LCORL: variants seen among roughly 807,000 people sequenced by gnomAD.
The protein encoded by LCORL is ligand-dependent nuclear receptor corepressor-like protein.
Under a neutral mutation model 141.8 loss-of-function variants are expected in LCORL, and 41 were observed. The ratio of observed to expected loss-of-function variants is 0.29; its 90% CI spans 0.23 to 0.38. The LOEUF (loss-of-function observed/expected upper bound fraction) is 0.38, where lower values mean the gene tolerates loss of function less well. Among genes scored for constraint, LCORL ranks in the 10% least tolerant of loss-of-function variants. LCORL has a pLI of 1.00. For missense variants in LCORL, 1,759 were observed against 2,035.0 expected (o/e 0.86, Z 2.61); for synonymous variants, 618 against 694.1 (o/e 0.89, Z 1.72).
At chr4:17,885,141 C>T (rs760225375) in intron 6 of LCORL, among the ~76,000 whole-genome samples, 2 of 151,968 alleles carry the variant, frequency 1.3e-5, no homozygotes, top group African/African-American at 2.4e-5. Flanking sequence ...TTAGTACAAA[C>T]GTGACGTTAC....
At chr4:17,905,334 T>C (rs541653998) in intron 5 of LCORL, among the ~76,000 whole-genome samples, 3 of 152,192 alleles carry the variant, frequency 2.0e-5, no homozygotes, top group South Asian at 2.1e-4. Context: ...TAGGACATAA[T>C]TTTTAATTTA....
intron 4 of LCORL, among the ~76,000 whole-genome samples, chr4:17,917,424 C>T (rs566192047): frequency 6.6e-6 from 1 of 152,342 alleles, no homozygotes; most frequent in Admixed American, 6.5e-5. Flanking sequence ...AACTCCCGAC[C>T]TCAGGTGATC....
chr4:18,017,772 T>C (rs1267758038), intron 1 of LCORL, among the ~76,000 whole-genome samples: 2 of 152,082 alleles, frequency 1.3e-5, no homozygotes, highest in Middle Eastern at 3.4e-3. Flanking sequence ...ACAGAAAAAA[T>C]AGATAAACAG....
At chr4:17,900,505 C>T (rs1392016949) in intron 5 of LCORL, among the ~76,000 whole-genome samples, 3 of 152,150 alleles carry the variant, frequency 2.0e-5, no homozygotes, top group African/African-American at 7.2e-5. Flanking sequence ...TCTTCCTCAA[C>T]GATCTTATCT....
chr4:17,932,213 AC>A lies in LCORL; in HGVS notation c.431-22869del, dbSNP rs1254100119. Among the ~76,000 whole-genome samples, 3 of 152,228 alleles carry A rather than the reference AC, an allele frequency of 2.0e-5. No individual in the cohort carries two copies. The South Asian group carries it at 6.2e-4, about 32-fold the overall frequency. On this transcript the variant is annotated intron_variant, in intron 4 of 7. Coordinates refer to ENST00000635767, the Ensembl canonical transcript of LCORL. ...CTCAAACCTGAGTCTTGCTTCATGAACCATTCTGGACATCTGTTTAACAGGG... is the reference window on the plus strand; with the variant it reads ...CTCAAACCTGAGTCTTGCTTCATGAACATTCTGGACATCTGTTTAACAGGG...
At position 17,892,985 on chromosome 4, in the gene LCORL, T is replaced by C. The variant is rs1051639384; in HGVS notation, c.683-6824A>G. On this transcript the variant is annotated intron_variant, in intron 5 of 7. Coordinates refer to ENST00000635767, the Ensembl canonical transcript of LCORL. ...GGAAGACTTTAGATTTTTTTAACCA[T>C]GCATTTGAGACTCCTTGTTATGCTC... Among the ~76,000 whole-genome samples the C allele has an allele frequency of 1.1e-4, 16 of 152,342 alleles. 1 individual carries two copies. Among genetic ancestry groups the C allele is most frequent in the Admixed American group, 4.6e-4 (7 of 15,294 alleles).
At chr4:17,849,111 C>A (rs1723309762) in intron 7 of LCORL, among the ~76,000 whole-genome samples, 1 of 152,246 alleles carries the variant, frequency 6.6e-6, no homozygotes, top group Non-Finnish European at 1.5e-5. Flanking sequence ...AGGGCACAGA[C>A]AAACAAAAAG....
intron 4 of LCORL, among the ~76,000 whole-genome samples, chr4:17,925,569 AATT>A (rs1333998229): frequency 2.6e-5 from 4 of 152,066 alleles, no homozygotes; most frequent in African/African-American, 9.7e-5. Context: ...TTTCCTCCTC[AATT>A]TGTTAAGAAC....
At chr4:17,854,526 A>G (rs964039715) in intron 7 of LCORL, among the ~76,000 whole-genome samples, 8 of 152,174 alleles carry the variant, frequency 5.3e-5, no homozygotes, top group Admixed American at 5.2e-4. Context: ...GTGTAGACAG[A>G]TAATACAATC....
At chr4:17,878,799 GT>G (rs1219469472) in intron 6 of LCORL, among the ~76,000 whole-genome samples, 1 of 151,222 alleles carries the variant, frequency 6.6e-6, no homozygotes, top group Non-Finnish European at 1.5e-5. Context: ...TTTAATTGAT[GT>G]TAAATACTAA....
chr4:17,901,123 T>C (rs1730799134), intron 5 of LCORL, among the ~76,000 whole-genome samples: 1 of 152,034 alleles, frequency 6.6e-6, no homozygotes, highest in Non-Finnish European at 1.5e-5. Flanking sequence ...TCTAGTTTCA[T>C]GTTTAATCTG....
At chr4:18,019,219 A>C (rs1265665930) in intron 1 of LCORL, among the ~76,000 whole-genome samples, 1 of 152,200 alleles carries the variant, frequency 6.6e-6, no homozygotes. Context: ...GACGCCTGTA[A>C]TCCCAACTAT....
intron 1 of LCORL, among the ~76,000 whole-genome samples, chr4:17,990,275 T>A (rs991203824): frequency 6.6e-6 from 1 of 151,874 alleles, no homozygotes; most frequent in African/African-American, 2.4e-5. Context: ...ATTTTTTGTA[T>A]TTTTAGTACA....
chr4:17,888,179 T>G (rs1043369046), intron 5 of LCORL, among the ~76,000 whole-genome samples: 1 of 152,126 alleles, frequency 6.6e-6, no homozygotes, highest in African/African-American at 2.4e-5. Flanking sequence ...CAATAAGTAT[T>G]CAATAAATGT....
At position 17,884,506 on chromosome 4, in the gene LCORL, T is replaced by C; in HGVS notation, c.776+1562A>G. ...CTACTTTTTGCAGCACTGCACAAGT[T>C]TCTTTACTGTCCTTATATGAATAAC... On this transcript the variant is annotated intron_variant, in intron 6 of 7. Transcript: ENST00000635767. The surrounding 1 kb of genome is among the most constrained non-coding windows in gnomAD (Gnocchi z 4.4). 1 of 1,544,522 alleles carries C rather than the reference T, an allele frequency of 6.5e-7. No homozygotes were observed. Among genetic ancestry groups the C allele is most frequent in the South Asian group, 1.2e-5 (1 of 83,214 alleles).
At chr4:17,906,960 G>A (rs1177966686) in intron 5 of LCORL, among the ~76,000 whole-genome samples, 2 of 152,206 alleles carry the variant, frequency 1.3e-5, no homozygotes, top group East Asian at 3.8e-4. Context: ...GGGATTACAG[G>A]TGTGAGCCAC....
At chr4:17,860,861 CAAAT>C (rs1724922099) in intron 7 of LCORL, among the ~76,000 whole-genome samples, 1 of 152,186 alleles carries the variant, frequency 6.6e-6, no homozygotes, top group Non-Finnish European at 1.5e-5. Context: ...GCAGGGCAGT[CAAAT>C]AAAGCTCTAA....
At chr4:18,014,647 C>T (rs1724347005) in intron 1 of LCORL, among the ~76,000 whole-genome samples, 1 of 152,214 alleles carries the variant, frequency 6.6e-6, no homozygotes, top group Non-Finnish European at 1.5e-5. Context: ...GAGACACAGA[C>T]AATTCCTCAT....
chr4:17,960,376 T>C (rs930738079), intron 4 of LCORL: 10 of 154,306 alleles, frequency 6.5e-5, no homozygotes, highest in African/African-American at 2.4e-4. Flanking sequence ...GCTAACTCCA[T>C]AATATCAAAA....
Sources: allele counts gnomAD v4.1 joint callset (sites outside exome capture counted in the v4.1 genomes callset), GRCh38; gene constraint gnomAD v4.1.1; non-coding constraint Gnocchi (gnomAD v3.1); transcripts MANE v1.5; gene names NCBI Gene and HGNC (gene_info 2026-07-23, HGNC 2026-07-21).